Variants in CDH18 observed in about 807,000 individuals in gnomAD.
CDH18 encodes cadherin 18.
A neutral mutation model predicts 67.9 loss-of-function variants in CDH18; 31 were observed. The observed-to-expected ratio is 0.46, with a 90% CI of 0.34 to 0.62. CDH18 has a LOEUF of 0.62. Among genes scored for constraint, CDH18 ranks in the 20% least tolerant of loss-of-function variants. CDH18 has a pLI of 0.01. For synonymous variants in CDH18, 362 were observed against 347.2 expected, an observed-to-expected ratio of 1.04 and a Z score of -0.48; for missense variants, 890 against 975.5, an observed-to-expected ratio of 0.91 and a Z score of 1.17.
chr5:19,812,620 C>A (rs537528074), intron 3 of CDH18, among the ~76,000 whole-genome samples: 112 of 152,018 alleles, frequency 7.4e-4, no homozygotes, highest in African/African-American at 2.6e-3. Flanking sequence ...CAAGAAACAA[C>A]CTAATCAACA....
At position 19,956,672 on chromosome 5, in the gene CDH18, TATAA is replaced by T. The variant is rs1398996921; in HGVS notation, c.-257+24384_-257+24387del. Among the ~76,000 whole-genome samples, 15 of 148,344 alleles carry T rather than the reference TATAA, an allele frequency of 1.0e-4. No individual in the cohort carries two copies. The South Asian group carries it at 2.5e-3, about 25-fold the overall frequency. ...AATATATCTAACAAGTCTCTTGTAA[TATAA>T]ATAGTTATTGCCTTCCAATTAGTAT... On this transcript the variant is annotated intron_variant, in intron 2 of 12. Transcript: ENST00000382275.
At chr5:19,908,543 T>C (rs1477222739) in intron 2 of CDH18, among the ~76,000 whole-genome samples, 1 of 152,186 alleles carries the variant, frequency 6.6e-6, no homozygotes, top group Non-Finnish European at 1.5e-5. Context: ...TATAGTTTTA[T>C]AAACTTTTCT....
chr5:19,621,826 A>G (rs972122952), intron 5 of CDH18, among the ~76,000 whole-genome samples: 5 of 152,230 alleles, frequency 3.3e-5, no homozygotes, highest in Admixed American at 1.3e-4. Context: ...ATTAAGTGCC[A>G]TTACCACAAT....
intron 2 of CDH18, among the ~76,000 whole-genome samples, chr5:20,180,444 A>T (rs1390698123): frequency 6.6e-6 from 1 of 152,188 alleles, no homozygotes; most frequent in Non-Finnish European, 1.5e-5. Flanking sequence ...ATATCTTGCT[A>T]ATCGTAGGTT....
intron 2 of CDH18, among the ~76,000 whole-genome samples, chr5:19,911,579 A>C (rs1379156653): frequency 6.6e-6 from 1 of 152,014 alleles, no homozygotes; most frequent in Non-Finnish European, 1.5e-5. Context: ...GTTCCCAAAT[A>C]GAAAGAGGAA....
chr5:20,143,477 C>T (rs1166123379), intron 2 of CDH18, among the ~76,000 whole-genome samples: 1 of 152,072 alleles, frequency 6.6e-6, no homozygotes, highest in East Asian at 1.9e-4. Flanking sequence ...AAGTGATCCT[C>T]CCACCTCAGC....
intron 2 of CDH18, among the ~76,000 whole-genome samples, chr5:20,245,541 A>C (rs1743309669): frequency 6.6e-6 from 1 of 152,140 alleles, no homozygotes; most frequent in Admixed American, 6.5e-5. Flanking sequence ...TGAAGAAATC[A>C]GAAAAGTAAT....
Position 20,023,377 on chromosome 5 carries a change from A to G in CDH18, c.-517-31363T>C, listed in dbSNP as rs79251714. The stretch of plus-strand genomic sequence containing the variant: ...TGTTCATTGGCCAGGTTTCTCAGCT[A>G]TAGAGAAATCCACTCTAGCTAGTTA... On this transcript the variant is annotated intron_variant, in intron 2 of 14. Transcript: ENST00000507958. Among the ~76,000 whole-genome samples the G allele has an allele frequency of 6.9e-3, 1,049 of 152,244 alleles. 13 individuals are homozygous for G. The highest frequency in any genetic ancestry group is 0.024 in the African/African-American group (1,006 of 41,536).
chr5:19,490,489 A>C (rs1375179565), intron 11 of CDH18, among the ~76,000 whole-genome samples: 1 of 126,002 alleles, frequency 7.9e-6, no homozygotes, highest in African/African-American at 3.1e-5. Flanking sequence ...ATCTTGGCTT[A>C]CTGCAACCTT....
chr5:20,244,661 T>G (rs1452777120), intron 2 of CDH18, among the ~76,000 whole-genome samples: 2 of 152,278 alleles, frequency 1.3e-5, no homozygotes, highest in African/African-American at 2.4e-5. Context: ...ATGATTATGA[T>G]AAATAGTTGA....
At chr5:19,741,550 T>C (rs910951474) in intron 4 of CDH18, among the ~76,000 whole-genome samples, 2 of 152,128 alleles carry the variant, frequency 1.3e-5, no homozygotes, top group African/African-American at 4.8e-5. Flanking sequence ...AGTGTTTTCA[T>C]ACTATTGTGC....
At chr5:20,172,256 A>ATGTGTATATATATATATC (rs1358379906) in intron 2 of CDH18, among the ~76,000 whole-genome samples, 4 of 130,032 alleles carry the variant, frequency 3.1e-5, no homozygotes, top group Admixed American at 8.0e-5. Flanking sequence ...ATATATATAT[A>ATGTGTATATATATATATC]TCTCCTCTCT....
intron 1 of CDH18, among the ~76,000 whole-genome samples, chr5:20,404,947 T>A (rs573805978): frequency 8.9e-4 from 136 of 152,260 alleles, no homozygotes; most frequent in African/African-American, 3.2e-3. Flanking sequence ...TATATTGTAA[T>A]CATTACACTC....
intron 1 of CDH18, among the ~76,000 whole-genome samples, chr5:20,503,438 T>A (rs1226371348): frequency 3.9e-5 from 6 of 152,266 alleles, no homozygotes. Flanking sequence ...ATAGAATTAA[T>A]CCCTATGAGT....
intron 2 of CDH18, among the ~76,000 whole-genome samples, chr5:19,938,845 C>A (rs1039299427): frequency 4.6e-5 from 7 of 151,308 alleles, no homozygotes; most frequent in African/African-American, 1.7e-4. Flanking sequence ...TACTTAAATA[C>A]ATTTGGAGCA....
intron 5 of CDH18, among the ~76,000 whole-genome samples, chr5:19,670,351 C>G (rs1011682556): frequency 6.6e-6 from 1 of 151,946 alleles, no homozygotes; most frequent in South Asian, 2.1e-4. Flanking sequence ...GAGAAAAGTA[C>G]ATTCAAAAAC....
chr5:20,169,764 T>G (rs1736553433), intron 2 of CDH18, among the ~76,000 whole-genome samples: 1 of 152,132 alleles, frequency 6.6e-6, no homozygotes, highest in Non-Finnish European at 1.5e-5. Context: ...AATTCCTGAT[T>G]TATTAACTTT....
At chr5:20,039,162 G>A (rs1432822250) in intron 2 of CDH18, among the ~76,000 whole-genome samples, 1 of 152,070 alleles carries the variant, frequency 6.6e-6, no homozygotes, top group Non-Finnish European at 1.5e-5. Flanking sequence ...TCTTCAAGGA[G>A]AACTACAAAC....
At chr5:19,989,902 T>C (rs979794058), upstream of CDH18, among the ~76,000 whole-genome samples, 2 of 152,156 alleles carry the variant, frequency 1.3e-5, no homozygotes, top group Non-Finnish European at 2.9e-5. Flanking sequence ...ATGTTAGAAG[T>C]CAATTAGAAT....
Sources: allele counts gnomAD v4.1 joint callset (sites outside exome capture counted in the v4.1 genomes callset), GRCh38; gene constraint gnomAD v4.1.1; transcripts MANE v1.5; gene names NCBI Gene and HGNC (gene_info 2026-07-23, HGNC 2026-07-21).